CD34: variants seen among roughly 807,000 people sequenced by gnomAD.
The protein encoded by CD34 is hematopoietic progenitor cell antigen CD34.
CD34 carries 34 observed loss-of-function variants against 40.1 expected under a neutral mutation model. The ratio of observed to expected loss-of-function variants is 0.85; its 90% CI spans 0.65 to 1.13. The LOEUF is 1.13. Among genes scored for constraint, CD34 ranks in the 50% most tolerant of loss-of-function variants. The pLI is 0.00. For missense variants in CD34, 426 were observed against 466.9 expected (o/e 0.91, Z 0.81); for synonymous variants, 209 against 190.0 (o/e 1.10, Z -0.82).
Position 207,899,120 on chromosome 1 carries a change from G to T in CD34, c.369C>A (p.Thr123=). ...QTSVISTVFT[T]PANVSTPETT... is the part of the protein sequence containing the mutation. The stretch of plus-strand genomic sequence containing the variant: ...TCTCTGGAGTTGAAACGTTGGCTGG[G>T]GTGGTGAACACTGTGCTGATTACAG... The change falls in exon 3 of 8, where the codon ACC becomes ACA. Residue 123 remains threonine, a synonymous_variant. Transcript: ENST00000310833. The T allele has an allele frequency of 6.2e-7, 1 of 1,614,220 alleles. No homozygotes were observed. Among genetic ancestry groups the T allele is most frequent in the Non-Finnish European group, 8.5e-7 (1 of 1,180,030 alleles).
chr1:207,896,430 A>G (rs1230729671), intron 4 of CD34, among the ~76,000 whole-genome samples: 2 of 152,266 alleles, frequency 1.3e-5, no homozygotes, highest in African/African-American at 4.8e-5. Context: ...AATATATTGT[A>G]GTAGATAACA....
At chr1:207,890,997 G>C (rs935081770) in intron 4 of CD34, among the ~76,000 whole-genome samples, 2 of 152,156 alleles carry the variant, frequency 1.3e-5, no homozygotes, top group Non-Finnish European at 2.9e-5. Context: ...TGTCTCAGGG[G>C]AGCCTTACAT....
chr1:207,899,705 A>G, intron 2 of CD34, 116 bp downstream of exon 2: 2 of 905,048 alleles, frequency 2.2e-6, no homozygotes, highest in Non-Finnish European at 3.4e-6. Flanking sequence ...AGTCATTAAT[A>G]CTAGGGACTT....
At chr1:207,909,327 G>A (rs1558124500) in intron 1 of CD34, among the ~76,000 whole-genome samples, 1 of 152,092 alleles carries the variant, frequency 6.6e-6, no homozygotes, top group Non-Finnish European at 1.5e-5. Flanking sequence ...ATCACAAGCT[G>A]TGTAGCCAAA....
At chr1:207,904,527 C>A (rs1662339784) in intron 1 of CD34, among the ~76,000 whole-genome samples, 1 of 152,172 alleles carries the variant, frequency 6.6e-6, no homozygotes, top group African/African-American at 2.4e-5. Flanking sequence ...CTGTAAACCT[C>A]ACCTGTAAAA....
rs780342368 is a variant in CD34 at position 207,883,966 on chromosome 1, G to T, written c.*3772C>A. 2.0e-5 allele frequency: 3 copies of T among 152,124 alleles called. No individual in the cohort carries two copies. The highest frequency in any genetic ancestry group is 4.4e-5 in the Non-Finnish European group (3 of 68,048). 9.4% of individuals were successfully genotyped at this position (152,124 alleles called of 1,614,324 possible). On this transcript the variant is annotated 3_prime_UTR_variant, in exon 8 of 8. Coordinates refer to ENST00000310833, the MANE Select transcript of CD34 (RefSeq NM_001025109.2). ...TTTTAAAACATAAAGCAGATGATATGACTTCTCTGCTCAAAACCCTCCAGT... is the reference window on the plus strand; with the variant it reads ...TTTTAAAACATAAAGCAGATGATATTACTTCTCTGCTCAAAACCCTCCAGT...
chr1:207,900,143 C>A, intron 1 of CD34, 140 bp from the exon 2 acceptor site: 1 of 627,446 alleles, frequency 1.6e-6, no homozygotes, highest in Non-Finnish European at 2.7e-6. Flanking sequence ...AGAACATACT[C>A]CTGGACAGTG....
chr1:207,909,637 G>C (rs1417117154), intron 1 of CD34, among the ~76,000 whole-genome samples: 1 of 152,142 alleles, frequency 6.6e-6, no homozygotes, highest in Non-Finnish European at 1.5e-5. Flanking sequence ...TCGATCTCTT[G>C]ACCTCATGAT....
chr1:207,897,436 G>T (rs2102300684), intron 4 of CD34, 57 bp downstream of exon 4: 2 of 1,259,418 alleles, frequency 1.6e-6, no homozygotes, highest in East Asian at 2.5e-5. Flanking sequence ...GTGTTCAGAA[G>T]GGATGGAGGA....
chr1:207,908,847 A>T (rs576439555), intron 1 of CD34, among the ~76,000 whole-genome samples: 4 of 152,312 alleles, frequency 2.6e-5, no homozygotes, highest in Admixed American at 2.0e-4. Context: ...AAAGGGACAG[A>T]AAAAAAGAAC....
At chr1:207,909,533 C>T (rs1219207463) in intron 1 of CD34, among the ~76,000 whole-genome samples, 6 of 152,108 alleles carry the variant, frequency 3.9e-5, no homozygotes, top group African/African-American at 2.4e-5. Flanking sequence ...CTCAGCCTCC[C>T]GAGTAGCTGG....
intron 7 of CD34, among the ~76,000 whole-genome samples, chr1:207,888,375 G>A (rs1243220991): frequency 6.6e-6 from 1 of 152,212 alleles, no homozygotes; most frequent in East Asian, 1.9e-4. Flanking sequence ...ATACAGTGTG[G>A]CTGATTAAAC....
rs944292483 is a variant in CD34 at position 207,888,773 on chromosome 1, A to G, written c.881T>C (p.Leu294Pro). 1.9e-6 allele frequency: 3 copies of G among 1,614,090 alleles called. No individual in the cohort carries two copies. In the Admixed American group the frequency reaches 5.0e-5, roughly 27 times the overall value. Residue 294 changes from leucine (L) to proline (P), a missense_variant, in exon 7 of 8, where the codon CTG becomes CCG. Transcript: ENST00000310833. ...QSYSQKTLIA[L>P]VTSGALLAVL... ...AGCCAGCAGGGCTCCCGAGGTGACC[A>G]GTGCAATCAGGGTCTTTTGGGAATA...
chr1:207,893,929 TG>T (rs1305602799), intron 4 of CD34, among the ~76,000 whole-genome samples: 2 of 152,050 alleles, frequency 1.3e-5, no homozygotes, highest in Non-Finnish European at 2.9e-5. Flanking sequence ...TAACACGTGT[TG>T]ATGAGGATGA....
intron 4 of CD34, among the ~76,000 whole-genome samples, chr1:207,895,245 G>A (rs1272723638): frequency 2.6e-5 from 4 of 152,180 alleles, no homozygotes; most frequent in African/African-American, 9.7e-5. Context: ...GGACATAATC[G>A]GGAGCTGTGG....
At position 207,889,178 on chromosome 1, in the gene CD34, G is replaced by C. The variant is rs1218029562; in HGVS notation, c.790C>G (p.Gln264Glu). The C allele has an allele frequency of 6.3e-7, 1 of 1,597,670 alleles. No homozygotes were observed. Among genetic ancestry groups the C allele is most frequent in the Non-Finnish European group, 8.6e-7 (1 of 1,164,960 alleles). Residue 264 changes from glutamine (Q) to glutamate (E), a missense_variant, in exon 6 of 8, where the codon CAA becomes GAA. Transcript: ENST00000310833. ...SSKLQLMKKH[Q>E]SDLKKLGILD... ...GGACTTACCTTTTTCAGGTCAGATT[G>C]GTGCTTTTTCATAAGTTGGAGTTTG... is the stretch of plus-strand genomic sequence containing the variant.
intron 7 of CD34, among the ~76,000 whole-genome samples, chr1:207,888,439 T>C (rs1208204430): frequency 6.6e-6 from 1 of 152,208 alleles, no homozygotes; most frequent in Non-Finnish European, 1.5e-5. Flanking sequence ...AATGAATAGA[T>C]GACACGAATC....
At chr1:207,889,975 A>G (rs1198573519) in intron 4 of CD34, 3 of 1,451,522 alleles carry the variant, frequency 2.1e-6, no homozygotes, top group South Asian at 1.5e-5. Flanking sequence ...ATAATAACTA[A>G]GAGAAAATAT....
rs921328795 is a variant in CD34 at position 207,884,776 on chromosome 1, G to A, written c.*2962C>T. 3.9e-5 allele frequency: 6 copies of A among 152,218 alleles called. No individual in the cohort carries two copies. Among genetic ancestry groups the A allele is most frequent in the Admixed American group, 1.3e-4 (2 of 15,282 alleles). 9.4% of individuals were successfully genotyped at this position (152,218 alleles called of 1,614,324 possible). A position where few individuals can be genotyped will look rare whatever the true frequency, so the allele number is the denominator to read the frequency against. The stretch of plus-strand genomic sequence containing the variant: ...TCCTGGGCTCACTGTGGGCGCCGAA[G>A]AAGCCGAACCTCATGGCCTCCTGTG... On this transcript the variant is annotated 3_prime_UTR_variant, in exon 8 of 8. Transcript: ENST00000310833.
Sources: gnomAD v4.1 joint callset for allele counts (sites outside exome capture counted in the v4.1 genomes callset) on GRCh38, gnomAD v4.1.1 for gene constraint, MANE v1.5 for transcripts, NCBI Gene and HGNC (gene_info 2026-07-23, HGNC 2026-07-21) for gene names.